Variants in KCNAB1 observed in about 807,000 individuals in gnomAD.
KCNAB1 encodes voltage-gated potassium channel subunit beta-1.
Under a neutral mutation model 64.6 loss-of-function variants are expected in KCNAB1, and 35 were observed. The observed-to-expected ratio is 0.54, with a 90% CI of 0.41 to 0.72. The LOEUF is 0.72. Ranked by LOEUF, KCNAB1 falls within the 30% of genes least tolerant of loss-of-function variation. The pLI, the probability that KCNAB1 is intolerant of heterozygous loss-of-function variation, is 0.00. For synonymous variants in KCNAB1, 177 were observed against 183.8 expected (o/e 0.96, Z 0.30); for missense variants, 401 against 512.9 (o/e 0.78, Z 2.11).
chr3:156,139,476 C>A (rs1047351280), intron 1 of KCNAB1, among the ~76,000 whole-genome samples: 28 of 151,974 alleles, frequency 1.8e-4, no homozygotes, highest in African/African-American at 6.8e-4. Flanking sequence ...CTGGAGGAAC[C>A]ACTTTCATGG....
At chr3:156,518,932 C>T (rs1347569221) in intron 11 of KCNAB1, among the ~76,000 whole-genome samples, 1 of 152,204 alleles carries the variant, frequency 6.6e-6, no homozygotes, top group Non-Finnish European at 1.5e-5. Flanking sequence ...CCTGCCATTC[C>T]TTCTTGCTTA....
intron 1 of KCNAB1, among the ~76,000 whole-genome samples, chr3:156,404,137 G>A (rs149997494): frequency 0.013 from 2,023 of 152,284 alleles, 20 homozygotes; most frequent in South Asian, 0.033. Flanking sequence ...GGAGTTTAAA[G>A]ACAAGTTTAA....
intron 1 of KCNAB1, among the ~76,000 whole-genome samples, chr3:156,356,870 A>G (rs1274644336): frequency 2.0e-5 from 3 of 152,220 alleles, no homozygotes; most frequent in African/African-American, 7.2e-5. Flanking sequence ...TCCAGGTTAC[A>G]AGAGAGGGAC....
intron 2 of KCNAB1, among the ~76,000 whole-genome samples, chr3:156,441,644 A>G (rs1216299128): frequency 1.3e-5 from 2 of 152,136 alleles, no homozygotes; most frequent in South Asian, 4.1e-4. Context: ...AAGGTGTCTA[A>G]TTTTATTCTA....
intron 1 of KCNAB1, among the ~76,000 whole-genome samples, chr3:156,314,187 A>G (rs1199068849): frequency 1.3e-5 from 2 of 152,260 alleles, no homozygotes. Flanking sequence ...TACTGGGCAC[A>G]GTTCAGAGCA....
chr3:156,339,526 A>G (rs968798921), intron 1 of KCNAB1, among the ~76,000 whole-genome samples: 1 of 152,230 alleles, frequency 6.6e-6, no homozygotes, highest in Non-Finnish European at 1.5e-5. Context: ...CCATGGTTCA[A>G]ACTTCAGATC....
intron 1 of KCNAB1, among the ~76,000 whole-genome samples, chr3:156,197,686 CT>C (rs1714044909): frequency 1.3e-5 from 2 of 152,110 alleles, no homozygotes; most frequent in Non-Finnish European, 2.9e-5. Context: ...ATTCTTCTCT[CT>C]TTTCTTCTTT....
intron 1 of KCNAB1, among the ~76,000 whole-genome samples, chr3:156,315,740 A>G (rs912245866): frequency 2.6e-5 from 4 of 152,248 alleles, no homozygotes; most frequent in Admixed American, 6.5e-5. Context: ...CTTCATATCT[A>G]TATTATCATA....
intron 1 of KCNAB1, among the ~76,000 whole-genome samples, chr3:156,220,058 T>A (rs1715609779): frequency 6.6e-6 from 1 of 152,216 alleles, no homozygotes; most frequent in African/African-American, 2.4e-5. Flanking sequence ...CATCCTTTTT[T>A]ATGGCTGCAT....
chr3:156,222,587 T>C (rs6788238), intron 1 of KCNAB1, among the ~76,000 whole-genome samples: 86,207 of 152,018 alleles, frequency 0.57, 25,181 homozygotes, highest in East Asian at 0.9. Flanking sequence ...ACTCAACAGA[T>C]ATATTTATAG....
At chr3:156,282,475 G>A (rs1425639650) in intron 1 of KCNAB1, among the ~76,000 whole-genome samples, 2 of 151,326 alleles carry the variant, frequency 1.3e-5, no homozygotes, top group East Asian at 1.9e-4. Context: ...GTAGATGTCT[G>A]TTAGGTCTGC....
chr3:156,450,838 G>T (rs1711939596), intron 2 of KCNAB1, among the ~76,000 whole-genome samples: 2 of 149,464 alleles, frequency 1.3e-5, no homozygotes, highest in African/African-American at 2.5e-5. Flanking sequence ...AACATTCTTT[G>T]TCTGGATACA....
chr3:156,450,756 C>G (rs1711930265), intron 2 of KCNAB1, among the ~76,000 whole-genome samples: 1 of 152,106 alleles, frequency 6.6e-6, no homozygotes, highest in Non-Finnish European at 1.5e-5. Context: ...TTTCCAACAC[C>G]CATCTTTTCT....
At chr3:156,395,902 C>T (rs574926213) in intron 1 of KCNAB1, among the ~76,000 whole-genome samples, 7 of 152,286 alleles carry the variant, frequency 4.6e-5, no homozygotes, top group Admixed American at 3.3e-4. Flanking sequence ...CTATTTCATA[C>T]GTTGTTACCG....
chr3:156,149,361 A>G (rs975715564), intron 1 of KCNAB1, among the ~76,000 whole-genome samples: 2 of 152,204 alleles, frequency 1.3e-5, no homozygotes, highest in African/African-American at 4.8e-5. Flanking sequence ...ATTACTACGG[A>G]CTATCATAGA....
rs1719209147 is a variant in KCNAB1, at chr3:156,538,347, T to C, written c.*1600T>C. 1.3e-5 allele frequency: 2 copies of C among 152,230 alleles called. No individual in the cohort carries two copies. The highest frequency in any genetic ancestry group is 4.1e-4 in the South Asian group (2 of 4,832). The allele number at this position is 152,230 out of a possible 1,614,324, so 9.4% of individuals were successfully genotyped here. ...TCTAGATATGTACTTCATGGTTAAA[T>C]TCTAAATCTGAAAATGCTAGTGGGA... On this transcript the variant is annotated 3_prime_UTR_variant, in exon 14 of 14. Coordinates refer to ENST00000490337, the MANE Select transcript of KCNAB1 (RefSeq NM_172160.3).
At chr3:156,151,509 G>A (rs530529188) in intron 1 of KCNAB1, among the ~76,000 whole-genome samples, 1 of 152,220 alleles carries the variant, frequency 6.6e-6, no homozygotes, top group Non-Finnish European at 1.5e-5. Context: ...CAAACATAAG[G>A]AAAAGTTGCT....
In KCNAB1 at chr3:156,366,400, A is replaced by G. The variant is rs77168346; in HGVS notation, c.276-55216A>G. 4.9e-3 allele frequency among the ~76,000 whole-genome samples: 743 copies of G among 152,324 alleles called. 25 individuals are homozygous for G. The South Asian group carries it at 0.099, about 20-fold the overall frequency. ...GTTAAGGACATTGTTTGCTTTGTTT[A>G]TCACTGTGCCCCTGGCTCCTAGAAG... On this transcript the variant is annotated intron_variant, in intron 1 of 13. Transcript: ENST00000490337.
chr3:156,333,407 A>C (rs1274559024), intron 1 of KCNAB1, among the ~76,000 whole-genome samples: 1 of 151,858 alleles, frequency 6.6e-6, no homozygotes, highest in Non-Finnish European at 1.5e-5. Context: ...ATACACATTG[A>C]CCTTCGTCTT....
Sources: gnomAD v4.1 joint callset for allele counts (sites outside exome capture counted in the v4.1 genomes callset) on GRCh38, gnomAD v4.1.1 for gene constraint, MANE v1.5 for transcripts, NCBI Gene and HGNC (gene_info 2026-07-23, HGNC 2026-07-21) for gene names.